The following FSTL4 variants were observed in gnomAD, a reference collection of about 807,000 sequenced individuals.
FSTL4 encodes follistatin like 4.
In FSTL4, 28 loss-of-function variants were observed where a neutral mutation model predicts 78.2. The ratio of observed to expected loss-of-function variants is 0.36; its 90% CI spans 0.27 to 0.49. The LOEUF is 0.49. Ranked by LOEUF, FSTL4 falls within the 20% of genes least tolerant of loss-of-function variation. The pLI is 0.98. For missense variants in FSTL4, 922 were observed against 1,084.9 expected, an observed-to-expected ratio of 0.85 and a Z score of 2.11; for synonymous variants, 422 against 440.5, an observed-to-expected ratio of 0.96 and a Z score of 0.53.
the FSTL4 span, among the ~76,000 whole-genome samples, chr5:133,765,398 T>C: frequency 6.6e-6 from 1 of 152,306 alleles, no homozygotes; most frequent in East Asian, 1.9e-4. Flanking sequence ...ACCTAATTCA[T>C]CATGAAGGCA....
intron 4 of FSTL4, among the ~76,000 whole-genome samples, chr5:133,337,758 C>T (rs1754496883): frequency 6.6e-6 from 1 of 152,216 alleles, no homozygotes; most frequent in Non-Finnish European, 1.5e-5. Flanking sequence ...GAGCTTTCAA[C>T]ATGCTCCAAG....
At chr5:133,359,712 T>A (rs537160092) in intron 4 of FSTL4, among the ~76,000 whole-genome samples, 2 of 152,356 alleles carry the variant, frequency 1.3e-5, no homozygotes, top group East Asian at 3.9e-4. Flanking sequence ...AGAGTACACT[T>A]GAATTAATGA....
chr5:133,333,745 T>G (rs1042684989), intron 4 of FSTL4, among the ~76,000 whole-genome samples: 1 of 152,226 alleles, frequency 6.6e-6, no homozygotes, highest in African/African-American at 2.4e-5. Context: ...CATCTCCACG[T>G]CAGGCAGAGG....
intron 6 of FSTL4, among the ~76,000 whole-genome samples, chr5:133,257,586 T>C (rs1228464561): frequency 1.3e-5 from 2 of 152,132 alleles, no homozygotes; most frequent in African/African-American, 4.8e-5. Context: ...CAGAACTCAG[T>C]GCCCAGGGGC....
chr5:133,283,212 TG>T (rs1479732023), intron 6 of FSTL4, among the ~76,000 whole-genome samples: 1 of 152,042 alleles, frequency 6.6e-6, no homozygotes, highest in African/African-American at 2.4e-5. Flanking sequence ...CTGCGCTTCC[TG>T]GGGTCCTCTG....
At chr5:133,733,141 G>A in the FSTL4 span, among the ~76,000 whole-genome samples, 1 of 152,140 alleles carries the variant, frequency 6.6e-6, no homozygotes, top group African/African-American at 2.4e-5. Context: ...ACATATCTCT[G>A]AACTTTTGTA....
At chr5:133,233,634 A>C (rs1751567192) in intron 7 of FSTL4, 97 bp from the exon 8 acceptor site, 5 of 1,467,680 alleles carry the variant, frequency 3.4e-6, no homozygotes, top group Non-Finnish European at 4.7e-6. Flanking sequence ...TGCAGCTGGG[A>C]GAGAGTTCCT....
intron 3 of FSTL4, among the ~76,000 whole-genome samples, chr5:133,435,673 G>C (rs192220590): frequency 2.1e-4 from 32 of 152,260 alleles, no homozygotes; most frequent in African/African-American, 7.5e-4. Flanking sequence ...TGGCCTTTCT[G>C]TTCAGTTCTA....
At chr5:133,498,893 C>T (rs1758428183) in intron 3 of FSTL4, among the ~76,000 whole-genome samples, 1 of 151,788 alleles carries the variant, frequency 6.6e-6, no homozygotes, top group African/African-American at 2.4e-5. Context: ...TTTAGCAGAA[C>T]TAGAGATGGG....
intron 3 of FSTL4, among the ~76,000 whole-genome samples, chr5:133,482,048 A>G (rs933192219): frequency 2.0e-5 from 3 of 152,256 alleles, no homozygotes; most frequent in Admixed American, 1.3e-4. Context: ...CGGTCTGGCG[A>G]TGTCTGCCTG....
chr5:133,780,494 G>A, the FSTL4 span, among the ~76,000 whole-genome samples: 1 of 149,170 alleles, frequency 6.7e-6, no homozygotes, highest in Non-Finnish European at 1.5e-5. Context: ...CTTGTCTCCT[G>A]TGTATTGTTG....
the FSTL4 span, among the ~76,000 whole-genome samples, chr5:133,687,309 G>A: frequency 5.3e-5 from 8 of 152,202 alleles, no homozygotes; most frequent in East Asian, 3.8e-4. Flanking sequence ...TGAGCCCAGC[G>A]GCAGGGAGGC....
intron 6 of FSTL4, among the ~76,000 whole-genome samples, chr5:133,259,647 G>T (rs1289766362): frequency 6.6e-6 from 1 of 151,686 alleles, no homozygotes; most frequent in Non-Finnish European, 1.5e-5. Flanking sequence ...CATGCTAAAG[G>T]GTCACTCCGG....
At chr5:133,765,206 TGA>T in the FSTL4 span, among the ~76,000 whole-genome samples, 1 of 152,206 alleles carries the variant, frequency 6.6e-6, no homozygotes, top group African/African-American at 2.4e-5. Context: ...TAACTATAAG[TGA>T]ATAATGCCAG....
rs555864256 is a variant in FSTL4, at chr5:133,327,082, G to A, written c.410-10430C>T. On this transcript the variant is annotated intron_variant, in intron 4 of 15. Transcript: ENST00000265342. ...CGTGGCTGGACCACGGGGCAGACTA[G>A]TAGCAGATCCAAGATCAGAACCCAG... 7.7e-4 allele frequency among the ~76,000 whole-genome samples: 117 copies of A among 152,344 alleles called. 1 individual carries two copies. Among genetic ancestry groups the A allele is most frequent in the African/African-American group, 2.7e-3 (114 of 41,580 alleles).
chr5:133,635,427 A>G, the FSTL4 span, among the ~76,000 whole-genome samples: 1 of 152,264 alleles, frequency 6.6e-6, no homozygotes, highest in African/African-American at 2.4e-5. Flanking sequence ...TGATATATGT[A>G]TATGGGAAAG....
At chr5:133,308,172 T>A (rs1753697722) in intron 6 of FSTL4, among the ~76,000 whole-genome samples, 1 of 152,224 alleles carries the variant, frequency 6.6e-6, no homozygotes, top group South Asian at 2.1e-4. Context: ...AGTGAATCAG[T>A]TCTTCGGCCA....
chr5:133,408,874 C>CT (rs1370599121), intron 3 of FSTL4, among the ~76,000 whole-genome samples: 1 of 152,142 alleles, frequency 6.6e-6, no homozygotes, highest in Non-Finnish European at 1.5e-5. Context: ...AATTCGGACA[C>CT]TGAATTGGTG....
At chr5:133,398,492 A>C (rs1756130772) in intron 4 of FSTL4, among the ~76,000 whole-genome samples, 1 of 152,150 alleles carries the variant, frequency 6.6e-6, no homozygotes, top group Non-Finnish European at 1.5e-5. Flanking sequence ...TCTCTCCCCA[A>C]ACCTCCCAGA....
Sources: allele counts gnomAD v4.1 joint callset (sites outside exome capture counted in the v4.1 genomes callset), GRCh38; gene constraint gnomAD v4.1.1; transcripts MANE v1.5; gene names NCBI Gene and HGNC (gene_info 2026-07-23, HGNC 2026-07-21).